Variants in PRRC2B observed in about 807,000 individuals in gnomAD.
The protein encoded by PRRC2B is protein PRRC2B.
A neutral mutation model predicts 242.3 loss-of-function variants in PRRC2B; 68 were observed. The observed-to-expected ratio is 0.28, with a 90% confidence interval of 0.23 to 0.34. The LOEUF (loss-of-function observed/expected upper bound fraction) is 0.34. Ranked by LOEUF, PRRC2B falls within the 10% of genes least tolerant of loss-of-function variation. PRRC2B has a pLI of 1.00. For synonymous variants in PRRC2B, 1,228 were observed against 1,173.6 expected (o/e 1.05, Z -0.95); for missense variants, 2,835 against 2,954.8 (o/e 0.96, Z 0.94).
intron 1 of PRRC2B, among the ~76,000 whole-genome samples, chr9:131,401,097 C>T (rs1330778153): frequency 1.3e-5 from 2 of 151,128 alleles, no homozygotes; most frequent in Non-Finnish European, 2.9e-5. Context: ...GTGATTTCTT[C>T]GGAGCCCCCT....
upstream of PRRC2B, among the ~76,000 whole-genome samples, chr9:131,390,476 C>CTTTTTT (rs10688559): frequency 4.6e-4 from 19 of 41,230 alleles, 3 homozygotes; most frequent in South Asian, 2.3e-3. Flanking sequence ...CCTAGCTTGC[C>CTTTTTT]TTTTTTTTTT....
At chr9:131,397,639 A>G (rs934804383) in intron 1 of PRRC2B, among the ~76,000 whole-genome samples, 1 of 130,724 alleles carries the variant, frequency 7.6e-6, no homozygotes, top group Non-Finnish European at 1.5e-5. Context: ...TATGCTAGTT[A>G]TATGTCTCAT....
At chr9:131,404,474 A>G (rs529623547) in intron 1 of PRRC2B, among the ~76,000 whole-genome samples, 1 of 152,240 alleles carries the variant, frequency 6.6e-6, no homozygotes, top group Non-Finnish European at 1.5e-5. Context: ...CACCCGCCTC[A>G]GCCTCCCAAA....
chr9:131,453,005 A>G (rs764030267), intron 9 of PRRC2B, among the ~76,000 whole-genome samples: 6 of 152,206 alleles, frequency 3.9e-5, no homozygotes, highest in Admixed American at 6.5e-5. Context: ...GTCTGCTTCT[A>G]TGAGTTAAGG....
At chr9:131,481,593 GGGGTGGC>G (rs1943869935) in intron 19 of PRRC2B, 126 bp from the exon 20 acceptor site, 1 of 702,046 alleles carries the variant, frequency 1.4e-6, no homozygotes, top group East Asian at 2.7e-5. Flanking sequence ...GTAGGGGGCT[GGGGTGGC>G]GGGTGCAGGG....
intron 1 of PRRC2B, among the ~76,000 whole-genome samples, chr9:131,412,076 G>C (rs1231032905): frequency 6.6e-6 from 1 of 151,922 alleles, no homozygotes; most frequent in South Asian, 2.1e-4. Flanking sequence ...CAGAGTGTGG[G>C]GATTACAGGT....
At chr9:131,483,249 C>T in intron 22 of PRRC2B, 110 bp from the exon 23 acceptor site, 1 of 1,028,858 alleles carries the variant, frequency 9.7e-7, no homozygotes, top group Non-Finnish European at 1.5e-6. Context: ...GTGAATGCTG[C>T]TCAGTGGAGT....
intron 1 of PRRC2B, among the ~76,000 whole-genome samples, chr9:131,375,649 C>A (rs1836674344): frequency 6.6e-6 from 1 of 152,138 alleles, no homozygotes; most frequent in African/African-American, 2.4e-5. Context: ...CACATTGGTT[C>A]TCCAAGCATG....
intron 28 of PRRC2B, 71 bp from the exon 29 acceptor site, chr9:131,491,353 GT>G: frequency 7.0e-7 from 1 of 1,425,104 alleles, no homozygotes; most frequent in East Asian, 2.5e-5. Flanking sequence ...TGCATGTGCG[GT>G]CGCTCTTTGG....
intron 2 of PRRC2B, among the ~76,000 whole-genome samples, chr9:131,431,465 A>G (rs962743867): frequency 1.3e-5 from 2 of 151,076 alleles, no homozygotes; most frequent in South Asian, 2.1e-4. Flanking sequence ...GGGTTTCTCC[A>G]TGTTGGTCAG....
intron 9 of PRRC2B, among the ~76,000 whole-genome samples, chr9:131,449,415 A>G (rs1207975039): frequency 6.6e-6 from 1 of 151,782 alleles, no homozygotes; most frequent in African/African-American, 2.4e-5. Context: ...GTTGGAGTGC[A>G]GTGGTGTGAT....
chr9:131,457,837 C>T (rs1204035778), intron 10 of PRRC2B, among the ~76,000 whole-genome samples: 1 of 152,192 alleles, frequency 6.6e-6, no homozygotes, highest in Non-Finnish European at 1.5e-5. Flanking sequence ...GTTGTCCCCT[C>T]TGTAATTGTT....
chr9:131,470,895 G>C lies in PRRC2B; in HGVS notation c.2019G>C (p.Arg673Ser). 1 of 1,611,582 alleles carries C rather than the reference G, an allele frequency of 6.2e-7. No homozygotes were observed. Among genetic ancestry groups the C allele is most frequent in the Non-Finnish European group, 8.5e-7 (1 of 1,178,594 alleles). Residue 673 changes from arginine (R) to serine (S), a missense_variant, in exon 14 of 32, where the codon AGG becomes AGC. Arg to Ser is a moderately radical substitution (Grantham distance 110). This residue lies in a region of PRRC2B where 1,536 missense variants were observed against 1,483.1 expected (regional missense o/e 1.04). Coordinates refer to ENST00000683519, the MANE Select transcript of PRRC2B (RefSeq NM_013318.4). Reference sequence around the variant, plus strand: ...CCCAGATGTTGGGCTTCGATCCCAGGTGGATGATGATGCCTTCCTACATGG... The same window carrying C: ...CCCAGATGTTGGGCTTCGATCCCAGCTGGATGATGATGCCTTCCTACATGG... ...HHPQMLGFDPRWMMMPSYMDP... is the reference protein window; with the variant it reads ...HHPQMLGFDPSWMMMPSYMDP...
intron 1 of PRRC2B, among the ~76,000 whole-genome samples, chr9:131,394,777 C>T (rs1416620144): frequency 6.6e-6 from 1 of 151,746 alleles, no homozygotes; most frequent in East Asian, 1.9e-4. Flanking sequence ...GGGGCCGTTC[C>T]TGGCGCGGGG....
In PRRC2B at chr9:131,473,510, C is replaced by G; in HGVS notation, c.2110C>G (p.Leu704Val). ...AGATCAGTCTTTGCCTTCTTCAGGACTGATGAAGCCCATGATGCCCCAGGA... is the reference window on the plus strand; with the variant it reads ...AGATCAGTCTTTGCCTTCTTCAGGAGTGATGAAGCCCATGATGCCCCAGGA... ...FYPSALHPSG[L>V]MKPMMPQESL... Residue 704 changes from leucine to valine, a missense_variant and splice_region_variant, in exon 15 of 32, where the codon CTG (leucine) becomes GTG (valine). Physicochemically the swap from Leu to Val is conservative, Grantham distance 32 (BLOSUM62 1). Around this residue, in one of 7 missense-constraint regions of PRRC2B, gnomAD observed 1,536 missense variants for 1,483.1 expected, o/e 1.04. Transcript: ENST00000683519. 1 of 1,595,484 alleles carries G rather than the reference C, an allele frequency of 6.3e-7. No homozygotes were observed. The highest frequency in any genetic ancestry group is 8.5e-7 in the Non-Finnish European group (1 of 1,170,948).
rs772041005 is a variant in PRRC2B at position 131,439,074 on chromosome 9, G to A, written c.469+13G>A. The A allele has an allele frequency of 1.5e-5, 24 of 1,609,876 alleles. No homozygotes were observed. The highest frequency in any genetic ancestry group is 1.8e-5 in the Non-Finnish European group (21 of 1,176,824). ...GGACACGAAGGTGGTAAGTGCGCAC[G>A]TGTGTGTGTTGTTTGGGGACGCTGG... On this transcript the variant is annotated intron_variant, in intron 5 of 31. Transcript: ENST00000683519.
chr9:131,441,097 A>G (rs1306657892), intron 5 of PRRC2B, among the ~76,000 whole-genome samples: 3 of 152,172 alleles, frequency 2.0e-5, no homozygotes, highest in Admixed American at 2.0e-4. Context: ...GCAAGACCCT[A>G]TCTTAAAGGA....
intron 1 of PRRC2B, among the ~76,000 whole-genome samples, chr9:131,398,649 A>G (rs531932864): frequency 6.6e-6 from 1 of 152,222 alleles, no homozygotes; most frequent in South Asian, 2.1e-4. Flanking sequence ...TTGAGCACCT[A>G]TCATTTGCCA....
At chr9:131,489,857 C>T (rs1347286646) in intron 28 of PRRC2B, among the ~76,000 whole-genome samples, 2 of 152,122 alleles carry the variant, frequency 1.3e-5, no homozygotes, top group South Asian at 4.1e-4. Context: ...CCCCCCACAC[C>T]CCTCGAACCA....
Sources: gnomAD v4.1 joint callset for allele counts (sites outside exome capture counted in the v4.1 genomes callset) on GRCh38, gnomAD v4.1.1 for gene constraint, gnomAD v4.1.1 regional missense constraint, MANE v1.5 for transcripts, NCBI Gene and HGNC (gene_info 2026-07-23, HGNC 2026-07-21) for gene names.